The following PTPRE variants were observed in gnomAD, a reference collection of about 807,000 sequenced individuals.
PTPRE encodes receptor-type tyrosine-protein phosphatase epsilon.
PTPRE carries 51 observed loss-of-function variants against 102.0 expected under a neutral mutation model. That is an observed-to-expected ratio of 0.50 (90% CI 0.40 to 0.63). The LOEUF (loss-of-function observed/expected upper bound fraction) is 0.63, where lower values mean the gene tolerates loss of function less well. PTPRE is among the 30% of genes least tolerant of loss of function. The probability of loss-of-function intolerance (pLI) is 0.00; values close to 1 mark genes in which losing one functional copy is unlikely to be tolerated. For missense variants in PTPRE, 752 were observed against 915.1 expected, an observed-to-expected ratio of 0.82 and a Z score of 2.30; for synonymous variants, 345 against 348.2, an observed-to-expected ratio of 0.99 and a Z score of 0.10.
intron 1 of PTPRE, among the ~76,000 whole-genome samples, chr10:127,972,565 G>C (rs7076348): frequency 0.066 from 10,032 of 152,212 alleles, 528 homozygotes; most frequent in African/African-American, 0.14. Context: ...TCCTTACCTG[G>C]GCTTTACCCT....
chr10:127,942,251 A>G (rs2135296940), intron 1 of PTPRE, among the ~76,000 whole-genome samples: 1 of 152,330 alleles, frequency 6.6e-6, no homozygotes, highest in Middle Eastern at 3.4e-3. Context: ...CTGCTAGCAA[A>G]CTGAGGCTCT....
chr10:128,066,856 C>T (rs958398769), intron 11 of PTPRE, among the ~76,000 whole-genome samples: 4 of 152,306 alleles, frequency 2.6e-5, no homozygotes, highest in African/African-American at 9.6e-5. Flanking sequence ...GGCATCTCTC[C>T]CAGAAATGTG....
Position 127,944,500 on chromosome 10 carries a change from A to AGGGATGGATGGATGGATAAG in PTPRE, c.-31+37191_-31+37192insGGGATGGATGGATGGATAAG, listed in dbSNP as rs1848485916. Among the ~76,000 whole-genome samples, 1 of 146,022 alleles carries AGGGATGGATGGATGGATAAG rather than the reference A, an allele frequency of 6.8e-6. No homozygotes were observed. Among genetic ancestry groups the AGGGATGGATGGATGGATAAG allele is most frequent in the Non-Finnish European group, 1.5e-5 (1 of 66,614 alleles). ...GATGGATGGATGGATGGATGGATGG[A>AGGGATGGATGGATGGATAAG]TGGATGGATGGATGGGTGGATGGAT... On this transcript the variant is annotated intron_variant, in intron 1 of 20. Coordinates refer to ENST00000254667, the MANE Select transcript of PTPRE (RefSeq NM_006504.6). The surrounding 1 kb of genome is among the most constrained non-coding windows in gnomAD (Gnocchi z 4.2).
chr10:127,996,225 C>A (rs545991324), intron 2 of PTPRE, among the ~76,000 whole-genome samples: 1 of 152,234 alleles, frequency 6.6e-6, no homozygotes, highest in Non-Finnish European at 1.5e-5. Context: ...CAACACGTAA[C>A]TTTACCTATG....
intron 1 of PTPRE, among the ~76,000 whole-genome samples, chr10:127,971,289 C>G (rs183836120): frequency 6.6e-6 from 1 of 152,206 alleles, no homozygotes. Context: ...GAGCCCAGCC[C>G]AAGACGAAGT....
intron 2 of PTPRE, among the ~76,000 whole-genome samples, chr10:128,034,326 C>CT (rs896959562): frequency 8.5e-6 from 1 of 117,576 alleles, no homozygotes; most frequent in Non-Finnish European, 2.0e-5. Context: ...CTCCACACCA[C>CT]CCCCCCCACC....
intron 2 of PTPRE, among the ~76,000 whole-genome samples, chr10:128,003,903 A>G (rs899909355): frequency 1.3e-5 from 2 of 152,044 alleles, no homozygotes; most frequent in African/African-American, 2.4e-5. Context: ...TCCCATTTAT[A>G]TCACCCCATT....
At chr10:128,082,299 C>T (rs939240889) in intron 20 of PTPRE, among the ~76,000 whole-genome samples, 1 of 144,186 alleles carries the variant, frequency 6.9e-6, no homozygotes, top group African/African-American at 2.6e-5. Context: ...CTGCAATCTG[C>T]CTCCTGGGCT....
At chr10:128,017,808 G>A (rs1845556636) in intron 2 of PTPRE, among the ~76,000 whole-genome samples, 1 of 151,804 alleles carries the variant, frequency 6.6e-6, no homozygotes, top group African/African-American at 2.4e-5. Context: ...CAGTTAGAGG[G>A]GTCAGGCTGG....
Position 128,049,619 on chromosome 10 carries a change from C to A in PTPRE, c.373C>A (p.Arg125Ser). 2 of 1,613,940 alleles carry A rather than the reference C, an allele frequency of 1.2e-6. No homozygotes were observed. The highest frequency in any genetic ancestry group is 1.1e-5 in the South Asian group (1 of 91,072). ...CGTGGAGCACCTGGAGGAGGAGATC[C>A]GTATCAGATCCGCCGACGACTGCAA... ...IPVEHLEEEIRIRSADDCKQF... is the reference protein window; with the variant it reads ...IPVEHLEEEISIRSADDCKQF... The change falls in exon 6 of 21, where the codon CGT becomes AGT. Residue 125 changes from arginine to serine, a missense_variant. Physicochemically the swap from Arg to Ser is moderately radical, Grantham distance 110. Around this residue, in one of 2 missense-constraint regions of PTPRE, gnomAD observed 636 missense variants for 824.4 expected, o/e 0.77. Transcript: ENST00000254667.
chr10:127,917,782 C>G (rs571328267), intron 1 of PTPRE, among the ~76,000 whole-genome samples: 294 of 152,240 alleles, frequency 1.9e-3, no homozygotes, highest in Middle Eastern at 3.4e-3. Flanking sequence ...GTAATCCCAG[C>G]ATTTTGTGAG....
At chr10:127,968,289 G>A (rs1850422292) in intron 1 of PTPRE, among the ~76,000 whole-genome samples, 1 of 152,206 alleles carries the variant, frequency 6.6e-6, no homozygotes, top group Non-Finnish European at 1.5e-5. Context: ...AATGAAGAGA[G>A]GCAGTTGCTG....
intron 3 of PTPRE, among the ~76,000 whole-genome samples, chr10:128,045,310 G>A (rs952231934): frequency 6.6e-6 from 1 of 152,232 alleles, no homozygotes; most frequent in Non-Finnish European, 1.5e-5. Context: ...GGAACGTGGA[G>A]GCCAGACCCA....
rs187609785 is a variant in PTPRE, at chr10:127,959,188, G to A, written c.-30-23086G>A. Among the ~76,000 whole-genome samples, 282 of 152,278 alleles carry A rather than the reference G, an allele frequency of 1.9e-3. 3 individuals carry two copies. The South Asian group carries it at 0.022, about 12-fold the overall frequency. On this transcript the variant is annotated intron_variant, in intron 1 of 20. Coordinates refer to ENST00000254667, the MANE Select transcript of PTPRE (RefSeq NM_006504.6). Reference sequence around the variant, plus strand: ...TGGGATTATAGGCATGAGCCACCACGCCCGGCTGAAATTGCCTATTTTCTT... The same window carrying A: ...TGGGATTATAGGCATGAGCCACCACACCCGGCTGAAATTGCCTATTTTCTT...
intron 1 of PTPRE, among the ~76,000 whole-genome samples, chr10:127,933,316 A>C (rs1370768210): frequency 6.6e-6 from 1 of 152,264 alleles, no homozygotes; most frequent in African/African-American, 2.4e-5. Flanking sequence ...GACTGTTTGC[A>C]GCAAAGAAAG....
At chr10:127,988,408 C>T (rs972715132) in intron 2 of PTPRE, among the ~76,000 whole-genome samples, 2 of 149,302 alleles carry the variant, frequency 1.3e-5, no homozygotes, top group Non-Finnish European at 3.0e-5. Context: ...AGGGTTCAAG[C>T]GATTCTCCTG....
At chr10:128,003,864 A>C (rs1854227426) in intron 2 of PTPRE, among the ~76,000 whole-genome samples, 1 of 152,136 alleles carries the variant, frequency 6.6e-6, no homozygotes, top group African/African-American at 2.4e-5. Flanking sequence ...AAGCCTTTGC[A>C]GGGGCCTCAT....
chr10:127,956,959 A>G lies in PTPRE; in HGVS notation c.-30-25315A>G, dbSNP rs1489159674. Among the ~76,000 whole-genome samples the G allele has an allele frequency of 5.3e-5, 8 of 152,040 alleles. No individual in the cohort carries two copies. In the East Asian group the frequency reaches 1.5e-3, roughly 29 times the overall value. ...TGAGTTTTAAGAGTTTTTTTTGTAC[A>G]TTATTGATAAAAATCCTTTATCAGA... On this transcript the variant is annotated intron_variant, in intron 1 of 20. Transcript: ENST00000254667.
chr10:127,922,257 T>A (rs564776786), intron 1 of PTPRE, among the ~76,000 whole-genome samples: 1 of 152,230 alleles, frequency 6.6e-6, no homozygotes, highest in East Asian at 1.9e-4. Flanking sequence ...TTAACACATG[T>A]GAATGGAAGG....
Sources: allele counts gnomAD v4.1 joint callset (sites outside exome capture counted in the v4.1 genomes callset), GRCh38; gene constraint gnomAD v4.1.1; regional missense constraint gnomAD v4.1.1; non-coding constraint Gnocchi (gnomAD v3.1); transcripts MANE v1.5; gene names NCBI Gene and HGNC (gene_info 2026-07-23, HGNC 2026-07-21).